CYYR1: variants seen among roughly 807,000 people sequenced by gnomAD.
CYYR1 encodes cysteine and tyrosine rich 1.
Under a neutral mutation model 15.2 loss-of-function variants are expected in CYYR1, and 14 were observed. The observed-to-expected ratio is 0.92, with a 90% CI of 0.61 to 1.44. The LOEUF (loss-of-function observed/expected upper bound fraction) is 1.44, where lower values mean the gene tolerates loss of function less well. Among genes scored for constraint, CYYR1 ranks in the 40% most tolerant of loss-of-function variants. The pLI is 0.00. For synonymous variants in CYYR1, 80 were observed against 77.4 expected (o/e 1.03, Z -0.18); for missense variants, 228 against 209.5 (o/e 1.09, Z -0.54).
intron 2 of CYYR1, among the ~76,000 whole-genome samples, chr21:26,493,043 C>T (rs563569213): frequency 7.2e-4 from 110 of 152,026 alleles, no homozygotes; most frequent in Non-Finnish European, 1.1e-3. Flanking sequence ...AAAGGGTTGA[C>T]GGGATTAGAG....
At chr21:26,567,574 T>C (rs1980723004) in intron 1 of CYYR1, among the ~76,000 whole-genome samples, 1 of 152,116 alleles carries the variant, frequency 6.6e-6, no homozygotes, top group Non-Finnish European at 1.5e-5. Flanking sequence ...AAGTTTCAGA[T>C]ACATGATTAG....
chr21:26,517,064 G>A (rs1354035910), intron 2 of CYYR1, among the ~76,000 whole-genome samples: 1 of 125,650 alleles, frequency 8.0e-6, no homozygotes, highest in Admixed American at 9.8e-5. Flanking sequence ...GCAGTGAGCC[G>A]AGATCGCGCC....
intron 2 of CYYR1, chr21:26,482,422 T>C (rs2123408048): frequency 1.0e-6 from 1 of 985,332 alleles, no homozygotes; most frequent in East Asian, 1.1e-4. Context: ...TCTGCTCCCC[T>C]GATGATTTCC....
intron 2 of CYYR1, among the ~76,000 whole-genome samples, chr21:26,525,784 G>T (rs911440520): frequency 6.6e-6 from 1 of 152,146 alleles, no homozygotes; most frequent in Non-Finnish European, 1.5e-5. Context: ...TTAACATTAT[G>T]GATGGTTCCC....
chr21:26,509,626 A>G (rs971793584), intron 2 of CYYR1, among the ~76,000 whole-genome samples: 1 of 152,198 alleles, frequency 6.6e-6, no homozygotes, highest in Non-Finnish European at 1.5e-5. Context: ...CCTCAGTCAA[A>G]GCCTGCTTAA....
At chr21:26,569,479 A>G (rs1011496319) in intron 1 of CYYR1, among the ~76,000 whole-genome samples, 13 of 152,152 alleles carry the variant, frequency 8.5e-5, no homozygotes, top group Non-Finnish European at 2.9e-5. Flanking sequence ...AAAACTAACT[A>G]TTGGGTACTG....
At chr21:26,497,067 C>A (rs561160373) in intron 2 of CYYR1, among the ~76,000 whole-genome samples, 1 of 152,236 alleles carries the variant, frequency 6.6e-6, no homozygotes, top group Non-Finnish European at 1.5e-5. Flanking sequence ...CAACACACAA[C>A]TTTGCTATAC....
At chr21:26,570,701 C>T (rs1029776271) in intron 1 of CYYR1, among the ~76,000 whole-genome samples, 8 of 152,234 alleles carry the variant, frequency 5.3e-5, no homozygotes, top group Non-Finnish European at 4.4e-5. Flanking sequence ...TTTTGTCCCA[C>T]AAAGCTGGCA....
At chr21:26,484,650 TA>T in intron 2 of CYYR1, among the ~76,000 whole-genome samples, 1 of 152,132 alleles carries the variant, frequency 6.6e-6, no homozygotes, top group East Asian at 1.9e-4. Context: ...CTGGAGGACT[TA>T]ATTTATGTTC....
chr21:26,474,092 G>T (rs1442294459), intron 3 of CYYR1, among the ~76,000 whole-genome samples: 2 of 146,006 alleles, frequency 1.4e-5, no homozygotes, highest in Non-Finnish European at 3.0e-5. Flanking sequence ...TGTTGCCCAG[G>T]CTGGAGTGCA....
intron 2 of CYYR1, among the ~76,000 whole-genome samples, chr21:26,506,029 C>T (rs1569152154): frequency 6.6e-6 from 1 of 151,884 alleles, no homozygotes; most frequent in Admixed American, 6.6e-5. Context: ...ATGTATATGC[C>T]CATGGAACCA....
At chr21:26,487,439 A>C (rs565142277) in intron 2 of CYYR1, among the ~76,000 whole-genome samples, 208 of 152,254 alleles carry the variant, frequency 1.4e-3, no homozygotes, top group Admixed American at 2.2e-3. Context: ...AGTCGACTAC[A>C]TACATGAGAA....
chr21:26,516,274 T>G (rs893504614), intron 2 of CYYR1, among the ~76,000 whole-genome samples: 1 of 152,204 alleles, frequency 6.6e-6, no homozygotes, highest in Non-Finnish European at 1.5e-5. Context: ...AAGGGCCCTT[T>G]GAAAGCCAAC....
chr21:26,530,286 A>C (rs2065915140), intron 2 of CYYR1, among the ~76,000 whole-genome samples: 1 of 152,036 alleles, frequency 6.6e-6, no homozygotes, highest in Non-Finnish European at 1.5e-5. Flanking sequence ...ATTTTGAAGT[A>C]ATCCTAAACT....
chr21:26,492,365 T>C (rs1427433678), intron 2 of CYYR1, among the ~76,000 whole-genome samples: 1 of 152,204 alleles, frequency 6.6e-6, no homozygotes, highest in Non-Finnish European at 1.5e-5. Context: ...TAGATACCTG[T>C]CCTTAGACCT....
intron 1 of CYYR1, among the ~76,000 whole-genome samples, 153 bp downstream of exon 1, chr21:26,572,715 G>A (rs1334531875): frequency 2.0e-5 from 3 of 152,204 alleles, no homozygotes; most frequent in African/African-American, 7.2e-5. Context: ...AAGTGCGCGG[G>A]TTTCTGCCGT....
At chr21:26,566,030 TCTTTTTAGTTC>T (rs1320759058) in intron 2 of CYYR1, among the ~76,000 whole-genome samples, 6 of 152,254 alleles carry the variant, frequency 3.9e-5, no homozygotes, top group African/African-American at 1.4e-4. Context: ...AAAGAATAAC[TCTTTTTAGTTC>T]CTTTATAATG....
chr21:26,474,116 G>C (rs1601723305), intron 3 of CYYR1, among the ~76,000 whole-genome samples: 1 of 140,708 alleles, frequency 7.1e-6, no homozygotes, highest in Admixed American at 7.4e-5. Context: ...GCGCGATCTT[G>C]CCTCACTGTA....
chr21:26,504,586 C>T (rs1240935588), intron 2 of CYYR1, among the ~76,000 whole-genome samples: 3 of 152,074 alleles, frequency 2.0e-5, no homozygotes, highest in Non-Finnish European at 4.4e-5. Flanking sequence ...TACACGCATG[C>T]AATGTGAAAT....
Sources: allele counts gnomAD v4.1 joint callset (sites outside exome capture counted in the v4.1 genomes callset), GRCh38; gene constraint gnomAD v4.1.1; transcripts MANE v1.5; gene names NCBI Gene and HGNC (gene_info 2026-07-23, HGNC 2026-07-21).